MRPL48: variants seen among roughly 807,000 people sequenced by gnomAD.
MRPL48 encodes the protein mitochondrial ribosomal protein L48.
A neutral mutation model predicts 32.9 loss-of-function variants in MRPL48; 16 were observed. That is an observed-to-expected ratio of 0.49 (90% confidence interval 0.33 to 0.74). The LOEUF (loss-of-function observed/expected upper bound fraction) is 0.74, where lower values mean the gene tolerates loss of function less well. Among genes scored for constraint, MRPL48 ranks in the 30% least tolerant of loss-of-function variants. MRPL48 has a pLI of 0.02. For missense variants in MRPL48, 206 were observed against 245.3 expected (o/e 0.84, Z 1.07); for synonymous variants, 94 against 89.2 (o/e 1.05, Z -0.31).
chr11:73,804,436 C>T (rs1947414944), intron 1 of MRPL48, among the ~76,000 whole-genome samples: 1 of 151,586 alleles, frequency 6.6e-6, no homozygotes, highest in African/African-American at 2.4e-5. Flanking sequence ...ACCACCATGC[C>T]CGGCTAATTT....
intron 2 of MRPL48, among the ~76,000 whole-genome samples, chr11:73,807,854 G>T (rs753795788): frequency 2.6e-5 from 4 of 152,124 alleles, no homozygotes; most frequent in Non-Finnish European, 5.9e-5. Context: ...GGGCAGGCTA[G>T]TCTCGAACTC....
At chr11:73,836,952 G>A (rs1948114347) in intron 4 of MRPL48, among the ~76,000 whole-genome samples, 2 of 152,172 alleles carry the variant, frequency 1.3e-5, no homozygotes, top group South Asian at 4.1e-4. Flanking sequence ...TGCTACCCCA[G>A]TCAGAGCCAG....
At chr11:73,855,101 C>CTATTAT (rs904297504) in intron 5 of MRPL48, among the ~76,000 whole-genome samples, 1 of 151,914 alleles carries the variant, frequency 6.6e-6, no homozygotes, top group African/African-American at 2.4e-5. Flanking sequence ...ATTACTATTA[C>CTATTAT]TATTATTATT....
Position 73,798,847 on chromosome 11 carries a change from C to T in MRPL48, c.22-6180C>T, listed in dbSNP as rs1347296302. On this transcript the variant is annotated intron_variant, in intron 1 of 7. Transcript: ENST00000310614. Reference sequence around the variant, plus strand: ...TCTACTAAAAATACAAAAAATTATCCGGGTTTGGTGACAGGCACCTGTAAT... The same window carrying T: ...TCTACTAAAAATACAAAAAATTATCTGGGTTTGGTGACAGGCACCTGTAAT... 2.6e-5 allele frequency among the ~76,000 whole-genome samples: 4 copies of T among 151,896 alleles called. No homozygotes were observed. In the East Asian group the frequency reaches 5.8e-4, roughly 22 times the overall value.
intron 1 of MRPL48, among the ~76,000 whole-genome samples, chr11:73,803,256 A>G (rs1043968796): frequency 7.3e-5 from 11 of 150,430 alleles, no homozygotes; most frequent in Admixed American, 2.0e-4. Flanking sequence ...GCCTCCTCCC[A>G]AGTAGCTGGG....
intron 2 of MRPL48, among the ~76,000 whole-genome samples, chr11:73,806,179 T>C (rs1318351111): frequency 6.6e-6 from 1 of 152,114 alleles, no homozygotes; most frequent in Non-Finnish European, 1.5e-5. Flanking sequence ...TTAGCTCACA[T>C]CACTCCTTTG....
chr11:73,802,878 G>T (rs12296002), intron 1 of MRPL48, among the ~76,000 whole-genome samples: 250 of 150,834 alleles, frequency 1.7e-3, no homozygotes, highest in Middle Eastern at 7.1e-3. Context: ...TTTTTGTTTT[G>T]TAGAGAAAGG....
intron 6 of MRPL48, 82 bp downstream of exon 6, chr11:73,860,091 C>G: frequency 8.7e-7 from 1 of 1,151,898 alleles, no homozygotes; most frequent in South Asian, 1.5e-5. Flanking sequence ...CTATTATGCT[C>G]TTTTCTTTTC....
intron 1 of MRPL48, among the ~76,000 whole-genome samples, chr11:73,799,723 C>T (rs944736449): frequency 6.6e-6 from 1 of 152,124 alleles, no homozygotes; most frequent in African/African-American, 2.4e-5. Flanking sequence ...ACCCAGATTT[C>T]ACCAATAAGC....
chr11:73,794,938 T>C, intron 1 of MRPL48, among the ~76,000 whole-genome samples: 1 of 141,510 alleles, frequency 7.1e-6, no homozygotes. Context: ...GGAGATGGAG[T>C]CTTGCTCCGT....
chr11:73,857,249 G>C (rs1300665979), intron 5 of MRPL48, among the ~76,000 whole-genome samples: 1 of 151,706 alleles, frequency 6.6e-6, no homozygotes, highest in Non-Finnish European at 1.5e-5. Context: ...TTCTGCCTCA[G>C]CCTCCCGAGT....
At chr11:73,841,867 T>G (rs1948191488) in intron 4 of MRPL48, among the ~76,000 whole-genome samples, 1 of 152,204 alleles carries the variant, frequency 6.6e-6, no homozygotes, top group South Asian at 2.1e-4. Flanking sequence ...GAAAATAGTT[T>G]AAAATTCTCA....
In MRPL48 at chr11:73,825,725, A is replaced by G. The variant is rs763289960; in HGVS notation, c.130A>G (p.Ile44Val). The part of the protein sequence containing the change: ...IYSVGGILLS[I>V]SRPYKTKPTH... ...TCTTTTAGGTGGAATTCTACTAAGT[A>G]TCAGTCGGCCCTACAAGACAAAGCC... The change falls in exon 4 of 8, where the codon ATC becomes GTC. Residue 44 changes from isoleucine to valine, a missense_variant. Coordinates refer to ENST00000310614, the MANE Select transcript of MRPL48 (RefSeq NM_016055.6). 5.8e-6 allele frequency: 9 copies of G among 1,564,222 alleles called. No homozygotes were observed. Among genetic ancestry groups the G allele is most frequent in the Admixed American group, 1.9e-5 (1 of 52,228 alleles).
chr11:73,830,794 G>T (rs1452679362), intron 4 of MRPL48, among the ~76,000 whole-genome samples: 1 of 151,812 alleles, frequency 6.6e-6, no homozygotes, highest in Non-Finnish European at 1.5e-5. Context: ...GGAAGGAAGG[G>T]GGTATCTACT....
At chr11:73,841,313 A>G (rs1048493681) in intron 4 of MRPL48, among the ~76,000 whole-genome samples, 7 of 152,238 alleles carry the variant, frequency 4.6e-5, no homozygotes, top group Non-Finnish European at 1.0e-4. Flanking sequence ...AGAAATGCAT[A>G]CATATGTTCA....
rs565666883 is a variant in MRPL48 at position 73,794,837 on chromosome 11, C to T, written c.21+6845C>T. Among the ~76,000 whole-genome samples the T allele has an allele frequency of 4.7e-5, 7 of 149,832 alleles. No homozygotes were observed. The South Asian group carries it at 1.3e-3, about 27-fold the overall frequency. On this transcript the variant is annotated intron_variant, in intron 1 of 7. Coordinates refer to ENST00000310614, the MANE Select transcript of MRPL48 (RefSeq NM_016055.6). Reference sequence around the variant, plus strand: ...TCGGCTCACCACAACCTCCGCCTCCCGGGTTCAAGCGATTCTCCTGCCTCG... The same window carrying T: ...TCGGCTCACCACAACCTCCGCCTCCTGGGTTCAAGCGATTCTCCTGCCTCG...
intron 4 of MRPL48, among the ~76,000 whole-genome samples, chr11:73,836,214 G>A (rs1460088989): frequency 6.6e-6 from 1 of 152,018 alleles, no homozygotes; most frequent in Non-Finnish European, 1.5e-5. Context: ...TAGCTCCCAG[G>A]TTCAAGCAAT....
intron 1 of MRPL48, among the ~76,000 whole-genome samples, chr11:73,795,534 C>G (rs1299532639): frequency 6.7e-6 from 1 of 150,328 alleles, no homozygotes; most frequent in African/African-American, 2.4e-5. Flanking sequence ...TTTTTGAGAC[C>G]GAGTCTCTGT....
chr11:73,803,573 C>T (rs1440122259), intron 1 of MRPL48, among the ~76,000 whole-genome samples: 3 of 151,916 alleles, frequency 2.0e-5, no homozygotes, highest in Non-Finnish European at 2.9e-5. Flanking sequence ...TTTATTTAAT[C>T]GTCGTCTTTT....
Sources: gnomAD v4.1 joint callset for allele counts (sites outside exome capture counted in the v4.1 genomes callset) on GRCh38, gnomAD v4.1.1 for gene constraint, MANE v1.5 for transcripts, NCBI Gene and HGNC (gene_info 2026-07-23, HGNC 2026-07-21) for gene names.